Variants in TBC1D15 observed in about 807,000 individuals in gnomAD.
TBC1D15 encodes the protein GAP for RAB7.
Under a neutral mutation model 95.4 loss-of-function variants are expected in TBC1D15, and 39 were observed. The ratio of observed to expected loss-of-function variants is 0.41; its 90% CI spans 0.32 to 0.53. The LOEUF is 0.53. Among genes scored for constraint, TBC1D15 ranks in the 20% least tolerant of loss-of-function variants. The pLI is 0.29. For missense variants in TBC1D15, 733 were observed against 794.3 expected, an observed-to-expected ratio of 0.92 and a Z score of 0.93; for synonymous variants, 258 against 261.3, an observed-to-expected ratio of 0.99 and a Z score of 0.12.
chr12:71,884,468 AATT>A (rs1469528938), intron 4 of TBC1D15, among the ~76,000 whole-genome samples: 1 of 152,160 alleles, frequency 6.6e-6, no homozygotes, highest in Non-Finnish European at 1.5e-5. Context: ...AGAGAAATTC[AATT>A]ATTTGTCCCA....
At chr12:71,911,639 G>GCA (rs1902374626) in intron 11 of TBC1D15, among the ~76,000 whole-genome samples, 1 of 63,512 alleles carries the variant, frequency 1.6e-5, no homozygotes, top group Admixed American at 1.9e-4. Flanking sequence ...GGGGGGAGGG[G>GCA]GGAGGGATAG....
chr12:71,881,087 G>T (rs1245209060), intron 4 of TBC1D15, among the ~76,000 whole-genome samples: 1 of 152,112 alleles, frequency 6.6e-6, no homozygotes, highest in Non-Finnish European at 1.5e-5. Context: ...CCACATAACA[G>T]CATTTCAATG....
intron 1 of TBC1D15, among the ~76,000 whole-genome samples, chr12:71,861,780 G>T (rs1890428408): frequency 6.8e-6 from 1 of 147,320 alleles, no homozygotes. Flanking sequence ...TTGTTCAGTT[G>T]TTTATTTGAA....
chr12:71,917,502 T>C (rs1431709830), intron 12 of TBC1D15, among the ~76,000 whole-genome samples, 196 bp from the exon 13 acceptor site: 1 of 152,202 alleles, frequency 6.6e-6, no homozygotes, highest in Non-Finnish European at 1.5e-5. Flanking sequence ...ATCCTTAGTT[T>C]TGAGAGCAAG....
At chr12:71,839,883 T>C in intron 1 of TBC1D15, 72 bp downstream of exon 1, 1 of 1,588,116 alleles carries the variant, frequency 6.3e-7, no homozygotes, top group East Asian at 2.2e-5. Context: ...TGGCAGCTGG[T>C]TGGGGGAGGG....
intron 10 of TBC1D15, among the ~76,000 whole-genome samples, chr12:71,901,974 T>C (rs1264616511): frequency 6.6e-6 from 1 of 152,130 alleles, no homozygotes; most frequent in Non-Finnish European, 1.5e-5. Context: ...AAATGAAGGA[T>C]GTGATCCCAT....
intron 11 of TBC1D15, 85 bp from the exon 12 acceptor site, chr12:71,913,741 A>T: frequency 2.4e-6 from 2 of 835,166 alleles, no homozygotes; most frequent in Non-Finnish European, 3.7e-6. Context: ...ATACAATTTT[A>T]AGCGAAATGG....
chr12:71,849,486 A>G (rs1887211733), intron 1 of TBC1D15: 1 of 826,790 alleles, frequency 1.2e-6, no homozygotes, highest in Non-Finnish European at 2.1e-6. Flanking sequence ...AGCAACTTCC[A>G]TTACTCCAAA....
chr12:71,920,417 C>G (rs1413443588), intron 14 of TBC1D15, among the ~76,000 whole-genome samples: 1 of 152,178 alleles, frequency 6.6e-6, no homozygotes, highest in East Asian at 1.9e-4. Flanking sequence ...AACCCTTACA[C>G]CTTAACCTTG....
chr12:71,876,787 AT>A (rs200390829), intron 3 of TBC1D15, among the ~76,000 whole-genome samples: 18,806 of 136,052 alleles, frequency 0.14, 1,343 homozygotes, highest in East Asian at 0.31. Flanking sequence ...TTTCCCGTGG[AT>A]TTTTTTTTTT....
At chr12:71,855,849 TC>T (rs149924141) in intron 1 of TBC1D15, among the ~76,000 whole-genome samples, 2,591 of 152,088 alleles carry the variant, frequency 0.017, 79 homozygotes, top group African/African-American at 0.06. Flanking sequence ...AAATGGTTCT[TC>T]CATATCTTCT....
intron 1 of TBC1D15, among the ~76,000 whole-genome samples, chr12:71,857,595 A>C (rs1287106488): frequency 6.6e-6 from 1 of 152,186 alleles, no homozygotes; most frequent in Non-Finnish European, 1.5e-5. Context: ...GGCACATAAT[A>C]ATTGTACATA....
intron 10 of TBC1D15, among the ~76,000 whole-genome samples, chr12:71,904,352 TAGA>T (rs1900159989): frequency 1.3e-5 from 2 of 152,056 alleles, no homozygotes; most frequent in Non-Finnish European, 2.9e-5. Flanking sequence ...GAAGAGAAAA[TAGA>T]AGAAGACTTG....
rs1903040726 is a variant in TBC1D15 at position 71,913,858 on chromosome 12, CCT to C, written c.1336_1337del (p.Leu446PhefsTer7). The C allele has an allele frequency of 6.3e-7, 1 of 1,584,744 alleles. No individual in the cohort carries two copies. Among genetic ancestry groups the C allele is most frequent in the Non-Finnish European group, 8.5e-7 (1 of 1,170,924 alleles). On this transcript the variant is annotated frameshift_variant, in exon 12 of 17. Coordinates refer to ENST00000485960, the MANE Select transcript of TBC1D15 (RefSeq NM_001146213.3). LOFTEE classifies it high-confidence loss of function. ...TCAAGGAATGAGTGATTTACTTTCC[CCT>C]CTTTTATATGTGATGGAAAATGAAG... Reference protein sequence around the residue: ...YVQGMSDLLSPLLYVMENEVD... With the variant: ...YVQGMSDLLSXLLYVMENEVD...
At position 71,896,497 on chromosome 12, in the gene TBC1D15, C is replaced by G. The variant is rs1898203521; in HGVS notation, c.985-180C>G. The G allele has an allele frequency of 1.2e-5, 7 of 596,108 alleles. No homozygotes were observed. The South Asian group carries it at 1.3e-4, about 11-fold the overall frequency. 36.9% of individuals were successfully genotyped at this position (596,108 alleles called of 1,614,324 possible). The stretch of plus-strand genomic sequence containing the variant: ...TCTGTGCACTGTTTAAACTTTCTGG[C>G]AGCTGCTTACATCTTTTGGATCTAG... On this transcript the variant is annotated intron_variant, in intron 8 of 16. Transcript: ENST00000485960.
chr12:71,871,956 T>C (rs1892797581), intron 1 of TBC1D15, 114 bp from the exon 2 acceptor site: 1 of 426,936 alleles, frequency 2.3e-6, no homozygotes, highest in South Asian at 9.6e-5. Flanking sequence ...CATTTATATA[T>C]GAAATAATCA....
intron 10 of TBC1D15, among the ~76,000 whole-genome samples, chr12:71,902,620 A>T (rs183111215): frequency 2.0e-5 from 3 of 152,332 alleles, no homozygotes; most frequent in African/African-American, 7.2e-5. Flanking sequence ...GAAACTATAA[A>T]GACCCTAGAA....
At chr12:71,874,972 G>A in intron 3 of TBC1D15, among the ~76,000 whole-genome samples, 1 of 151,870 alleles carries the variant, frequency 6.6e-6, no homozygotes. Flanking sequence ...ACAAGGTCTT[G>A]CTCTGTCGCC....
Position 71,872,135 on chromosome 12 carries a change from C to T in TBC1D15, c.96C>T (p.Gly32=), listed in dbSNP as rs147120579. 2.1e-3 allele frequency: 3,380 copies of T among 1,575,372 alleles called. 10 individuals are homozygous for T. The highest frequency in any genetic ancestry group is 7.1e-3 in the Middle Eastern group (42 of 5,946). The change falls in exon 2 of 17, where the codon GGC becomes GGT. Residue 32 remains glycine, a synonymous_variant. Transcript: ENST00000485960. The part of the protein sequence containing the change: ...SSCGKTNDQD[G]LISGILRVLE... ...GTGGAAAGACCAATGACCAAGACGGCTTGATTTCAGGAATATTACGTGTTT... is the reference window on the plus strand; with the variant it reads ...GTGGAAAGACCAATGACCAAGACGGTTTGATTTCAGGAATATTACGTGTTT...
Sources: gnomAD v4.1 joint callset for allele counts (sites outside exome capture counted in the v4.1 genomes callset) on GRCh38, gnomAD v4.1.1 for gene constraint, MANE v1.5 for transcripts, NCBI Gene and HGNC (gene_info 2026-07-23, HGNC 2026-07-21) for gene names.